MAP4K5: variants seen among roughly 807,000 people sequenced by gnomAD.
MAP4K5 encodes the protein MAPK/ERK kinase kinase kinase 5.
MAP4K5 carries 82 observed loss-of-function variants against 135.6 expected under a neutral mutation model. The observed-to-expected ratio is 0.60, with a 90% confidence interval of 0.51 to 0.73. The LOEUF (loss-of-function observed/expected upper bound fraction) is 0.73, where lower values mean the gene tolerates loss of function less well. MAP4K5 is among the 30% of genes least tolerant of loss of function. The pLI, the probability that MAP4K5 is intolerant of heterozygous loss-of-function variation, is 0.00. For missense variants in MAP4K5, 907 were observed against 1,010.9 expected (o/e 0.90, Z 1.39); for synonymous variants, 347 against 335.0 (o/e 1.04, Z -0.39).
intron 2 of MAP4K5, among the ~76,000 whole-genome samples, chr14:50,511,498 T>C (rs905047041): frequency 2.0e-5 from 3 of 152,180 alleles, no homozygotes; most frequent in African/African-American, 7.2e-5. Context: ...TCTATACTAC[T>C]ACTACAGGAT....
chr14:50,499,595 T>C (rs1454192988), intron 3 of MAP4K5, among the ~76,000 whole-genome samples: 2 of 151,762 alleles, frequency 1.3e-5, no homozygotes, highest in Admixed American at 6.6e-5. Flanking sequence ...TTGGCAAAGG[T>C]TGCAGTGAGC....
At chr14:50,471,952 A>C (rs139271564) in intron 9 of MAP4K5, 5 of 152,618 alleles carry the variant, frequency 3.3e-5, no homozygotes, top group Admixed American at 3.3e-4. Context: ...TTCCCTTAGA[A>C]GACATGAAAG....
rs560808619 is a variant in MAP4K5, at chr14:50,462,716, G to C, written c.885C>G (p.Asn295Lys). The C allele has an allele frequency of 5.7e-5, 91 of 1,604,778 alleles. No homozygotes were observed. Among genetic ancestry groups the C allele is most frequent in the Admixed American group, 1.7e-4 (10 of 57,354 alleles). The change falls in exon 13 of 33, where the codon AAC (asparagine) becomes AAG (lysine). Residue 295 changes from asparagine to lysine, a missense_variant. Physicochemically the swap from Asn to Lys is moderately conservative, Grantham distance 94 (BLOSUM62 0). This residue lies in a region of MAP4K5 where 690 missense variants were observed against 777.4 expected (regional missense o/e 0.89). Coordinates refer to ENST00000682126, the MANE Select transcript of MAP4K5 (RefSeq NM_006575.6). ...ALAVELLDKV[N>K]NPDNHAHYTE... is the part of the protein sequence containing the mutation. ...TGTAATGTGCGTGGTTATCTGGATT[G>C]TTCACTTTGTCTAACAGTTCAACTG...
intron 9 of MAP4K5, among the ~76,000 whole-genome samples, chr14:50,469,445 TCTA>T (rs1406175042): frequency 2.6e-5 from 4 of 152,174 alleles, no homozygotes; most frequent in Non-Finnish European, 5.9e-5. Context: ...TTATAAATGA[TCTA>T]CTGTTTATAC....
intron 1 of MAP4K5, chr14:50,560,544 T>G (rs1595579987): frequency 1.5e-5 from 8 of 548,016 alleles, no homozygotes; most frequent in Non-Finnish European, 1.6e-5. Flanking sequence ...CAGCTCCTTC[T>G]TCCCCACCCC....
intron 6 of MAP4K5, among the ~76,000 whole-genome samples, chr14:50,477,285 A>T (rs2139882639): frequency 6.6e-6 from 1 of 152,310 alleles, no homozygotes; most frequent in Non-Finnish European, 1.5e-5. Context: ...CGTTGCTAGT[A>T]TATATAAATC....
chr14:50,548,245 A>G (rs1449158934), intron 1 of MAP4K5, among the ~76,000 whole-genome samples: 7 of 152,352 alleles, frequency 4.6e-5, no homozygotes, highest in Non-Finnish European at 8.8e-5. Flanking sequence ...TTACTGGGCT[A>G]CTGGAGGATA....
intron 9 of MAP4K5, among the ~76,000 whole-genome samples, chr14:50,473,716 C>CTT (rs398077753): frequency 0.04 from 3,788 of 95,380 alleles, 144 homozygotes; most frequent in African/African-American, 0.075. Flanking sequence ...TTTGGTTTCA[C>CTT]TTTTTTTTTT....
intron 2 of MAP4K5, among the ~76,000 whole-genome samples, chr14:50,514,363 G>A (rs1427206935): frequency 3.9e-5 from 6 of 152,068 alleles, no homozygotes; most frequent in Non-Finnish European, 5.9e-5. Flanking sequence ...GATTACAGGC[G>A]TGAGCCACTA....
intron 3 of MAP4K5, among the ~76,000 whole-genome samples, chr14:50,500,183 A>T (rs2037677984): frequency 2.0e-5 from 3 of 152,216 alleles, no homozygotes; most frequent in Non-Finnish European, 4.4e-5. Flanking sequence ...GTGAGGATAG[A>T]TAATCGCTAT....
intron 2 of MAP4K5, 26 bp from the exon 3 acceptor site, chr14:50,504,883 C>A (rs750304410): frequency 6.8e-7 from 1 of 1,464,882 alleles, no homozygotes; most frequent in South Asian, 1.3e-5. Flanking sequence ...AAACAAAAAT[C>A]TTGTTAATTA....
chr14:50,521,989 G>T (rs1017043904), intron 2 of MAP4K5, among the ~76,000 whole-genome samples: 59 of 152,138 alleles, frequency 3.9e-4, no homozygotes, highest in African/African-American at 1.4e-3. Flanking sequence ...AAAAACACAA[G>T]TATTGCTTGT....
rs1252372410 is a variant in MAP4K5, at chr14:50,544,958, AAAAAG to A, written c.-179-2379_-179-2375del. On this transcript the variant is annotated intron_variant, in intron 1 of 8. Coordinates refer to the MAP4K5 transcript ENST00000555216. ...TCTCAAAAAAAAAAAAAAAAAAAAA[AAAAAG>A]AAGCCAACTATAATGTAACAGGTCC... Among the ~76,000 whole-genome samples, 5 of 151,342 alleles carry A rather than the reference AAAAAG, an allele frequency of 3.3e-5. No individual in the cohort carries two copies. The East Asian group carries it at 5.8e-4, about 18-fold the overall frequency.
intron 1 of MAP4K5, among the ~76,000 whole-genome samples, chr14:50,554,823 C>T (rs2038745702): frequency 6.6e-6 from 1 of 152,136 alleles, no homozygotes; most frequent in Admixed American, 6.5e-5. Context: ...CTGGACTCGT[C>T]TGAGTCATTC....
At chr14:50,525,295 T>A (rs1595548926) in intron 2 of MAP4K5, among the ~76,000 whole-genome samples, 1 of 152,212 alleles carries the variant, frequency 6.6e-6, no homozygotes, top group East Asian at 1.9e-4. Context: ...ATCAATGTAG[T>A]CACTCAAGCC....
intron 18 of MAP4K5, 131 bp downstream of exon 18, chr14:50,444,910 G>C (rs1328662001): frequency 1.4e-5 from 14 of 981,156 alleles, no homozygotes; most frequent in Non-Finnish European, 2.0e-5. Flanking sequence ...TAATAGGATT[G>C]ACTAAATAAA....
chr14:50,468,516 G>A (rs1462981329), intron 10 of MAP4K5, 135 bp downstream of exon 10: 1 of 840,520 alleles, frequency 1.2e-6, no homozygotes, highest in East Asian at 2.7e-5. Flanking sequence ...GGTTTTGGAT[G>A]AGATTACTCC....
In MAP4K5 at chr14:50,548,745, T is replaced by C. The variant is rs147391436; in HGVS notation, c.-179-6161A>G. Among the ~76,000 whole-genome samples, 376 of 152,056 alleles carry C rather than the reference T, an allele frequency of 2.5e-3. 2 individuals are homozygous for C. The highest frequency in any genetic ancestry group is 8.5e-3 in the African/African-American group (354 of 41,496). ...CAGGATGGTCTCGATCTCCTGACCT[T>C]GTGATCCGCCTGCCTCAGCCTCCCA... On this transcript the variant is annotated intron_variant, in intron 1 of 8. Transcript: ENST00000555216.
At chr14:50,427,450 C>T (rs889183094) in intron 30 of MAP4K5, among the ~76,000 whole-genome samples, 2 of 152,070 alleles carry the variant, frequency 1.3e-5, no homozygotes, top group Non-Finnish European at 2.9e-5. Flanking sequence ...AAATGTCACA[C>T]AGAGGCACAA....
Sources: allele counts gnomAD v4.1 joint callset (sites outside exome capture counted in the v4.1 genomes callset), GRCh38; gene constraint gnomAD v4.1.1; regional missense constraint gnomAD v4.1.1; transcripts MANE v1.5; gene names NCBI Gene and HGNC (gene_info 2026-07-23, HGNC 2026-07-21).